MAPKAP1: variants seen among roughly 807,000 people sequenced by gnomAD.
MAPKAP1 encodes the protein target of rapamycin complex 2 subunit MAPKAP1.
In MAPKAP1, 20 loss-of-function variants were observed where a neutral mutation model predicts 65.7. The observed-to-expected ratio is 0.30, with a 90% CI of 0.21 to 0.44. The LOEUF is 0.44. Among genes scored for constraint, MAPKAP1 ranks in the 20% least tolerant of loss-of-function variants. MAPKAP1 has a pLI of 1.00. For missense variants in MAPKAP1, 423 were observed against 648.0 expected (o/e 0.65, Z 3.77); for synonymous variants, 222 against 244.3 (o/e 0.91, Z 0.85).
At chr9:125,706,765 C>G (rs916164937) in intron 1 of MAPKAP1, among the ~76,000 whole-genome samples, 35 of 152,042 alleles carry the variant, frequency 2.3e-4, no homozygotes, top group African/African-American at 8.4e-4. Context: ...GCTTCTTTTC[C>G]CCTAAACCAC....
intron 9 of MAPKAP1, among the ~76,000 whole-genome samples, chr9:125,468,966 C>T (rs917415186): frequency 4.6e-5 from 7 of 152,168 alleles, no homozygotes; most frequent in East Asian, 1.9e-4. Flanking sequence ...ACAGCAACCG[C>T]TTTCTCAGTA....
intron 5 of MAPKAP1, among the ~76,000 whole-genome samples, chr9:125,560,436 T>A (rs1054692286): frequency 6.6e-5 from 10 of 152,038 alleles, no homozygotes; most frequent in African/African-American, 2.2e-4. Context: ...ATACAAAAAT[T>A]AGCCAGACAT....
chr9:125,650,439 G>A (rs1833861147), intron 4 of MAPKAP1: 1 of 152,182 alleles, frequency 6.6e-6, no homozygotes, highest in Non-Finnish European at 1.5e-5. Context: ...ACTTTCTTTT[G>A]GTTCCTCAAA....
At chr9:125,625,258 A>T (rs1564589579) in intron 4 of MAPKAP1, among the ~76,000 whole-genome samples, 15 of 110,718 alleles carry the variant, frequency 1.4e-4, no homozygotes, top group African/African-American at 3.4e-4. Flanking sequence ...AAATAAATAA[A>T]AAAAAAAAAA....
chr9:125,486,989 AC>A (rs1316130885), intron 8 of MAPKAP1, among the ~76,000 whole-genome samples: 1 of 151,992 alleles, frequency 6.6e-6, no homozygotes, highest in African/African-American at 2.4e-5. Context: ...TTAGACTATA[AC>A]CCCAAGAACA....
intron 5 of MAPKAP1, among the ~76,000 whole-genome samples, chr9:125,580,739 G>T (rs919631325): frequency 6.7e-6 from 1 of 149,966 alleles, no homozygotes; most frequent in Non-Finnish European, 1.5e-5. Context: ...ACATGTACTT[G>T]TGTGTGTGTG....
chr9:125,676,991 ATT>A (rs1413956996), intron 1 of MAPKAP1, among the ~76,000 whole-genome samples: 26 of 152,198 alleles, frequency 1.7e-4, no homozygotes, highest in Non-Finnish European at 1.3e-4. Context: ...ATCCATAAAT[ATT>A]GTTTTCTGTA....
intron 4 of MAPKAP1, among the ~76,000 whole-genome samples, chr9:125,588,379 A>G (rs1351748801): frequency 6.6e-6 from 1 of 152,182 alleles, no homozygotes; most frequent in Admixed American, 6.5e-5. Context: ...AAAGTAGATT[A>G]GCGGTTGGCA....
intron 5 of MAPKAP1, among the ~76,000 whole-genome samples, chr9:125,560,890 G>T (rs564417347): frequency 3.3e-5 from 5 of 152,286 alleles, no homozygotes; most frequent in African/African-American, 1.2e-4. Flanking sequence ...CTCTTTGGGG[G>T]AAGTAAAAAG....
chr9:125,521,437 T>C, intron 7 of MAPKAP1: 1 of 1,112,920 alleles, frequency 9.0e-7, no homozygotes, highest in South Asian at 3.9e-5. Context: ...TACATACAGT[T>C]ATCTGTTGCT....
At chr9:125,551,371 C>T (rs763935315) in intron 6 of MAPKAP1, among the ~76,000 whole-genome samples, 33 of 152,118 alleles carry the variant, frequency 2.2e-4, no homozygotes, top group Admixed American at 9.2e-4. Context: ...ACCTAGGGCA[C>T]GCCTCTTTAA....
At chr9:125,553,567 C>A (rs1248118062) in intron 6 of MAPKAP1, among the ~76,000 whole-genome samples, 2 of 151,542 alleles carry the variant, frequency 1.3e-5, no homozygotes, top group African/African-American at 2.4e-5. Flanking sequence ...GAGGGGAGGG[C>A]AAGACGGAAA....
intron 9 of MAPKAP1, among the ~76,000 whole-genome samples, chr9:125,478,779 A>G (rs1854199818): frequency 6.6e-6 from 1 of 152,322 alleles, no homozygotes; most frequent in Middle Eastern, 3.4e-3. Flanking sequence ...ACTAACAGCT[A>G]GGTACCTCTC....
chr9:125,562,643 TTAGTAC>T (rs530514438), intron 5 of MAPKAP1, among the ~76,000 whole-genome samples: 97 of 152,326 alleles, frequency 6.4e-4, no homozygotes, highest in Admixed American at 2.5e-3. Context: ...GGACTCCAAA[TTAGTAC>T]TAGTACAATA....
intron 5 of MAPKAP1, among the ~76,000 whole-genome samples, chr9:125,582,800 T>C (rs1831664768): frequency 6.6e-6 from 1 of 152,216 alleles, no homozygotes; most frequent in South Asian, 2.1e-4. Flanking sequence ...CATACCCTCA[T>C]GTAGTATTTC....
intron 1 of MAPKAP1, among the ~76,000 whole-genome samples, chr9:125,680,082 C>T (rs1043482314): frequency 6.7e-6 from 1 of 149,970 alleles, no homozygotes; most frequent in Non-Finnish European, 1.5e-5. Flanking sequence ...ACAGCAGATG[C>T]GAGATTTTTT....
intron 4 of MAPKAP1, among the ~76,000 whole-genome samples, chr9:125,635,986 T>C (rs1004326228): frequency 2.6e-5 from 4 of 152,204 alleles, no homozygotes; most frequent in Non-Finnish European, 5.9e-5. Context: ...AGCAGCTCAG[T>C]TCAACCTGGG....
intron 4 of MAPKAP1, among the ~76,000 whole-genome samples, chr9:125,640,805 A>G (rs1488964129): frequency 6.6e-6 from 1 of 152,240 alleles, no homozygotes; most frequent in Non-Finnish European, 1.5e-5. Context: ...TCTAGAACCA[A>G]GCTGGAAAAA....
intron 4 of MAPKAP1, among the ~76,000 whole-genome samples, chr9:125,632,050 T>C (rs1048323438): frequency 1.3e-5 from 2 of 151,862 alleles, no homozygotes; most frequent in African/African-American, 2.4e-5. Flanking sequence ...TGAAACTCCA[T>C]CTCTACTAAA....
Sources: allele counts gnomAD v4.1 joint callset (sites outside exome capture counted in the v4.1 genomes callset), GRCh38; gene constraint gnomAD v4.1.1; transcripts MANE v1.5; gene names NCBI Gene and HGNC (gene_info 2026-07-23, HGNC 2026-07-21).